ZNF385B: variants seen among roughly 807,000 people sequenced by gnomAD.
ZNF385B encodes the protein zinc finger protein 385B, also known as zinc finger protein 533.
In ZNF385B, 23 loss-of-function variants were observed where a neutral mutation model predicts 39.2. That is an observed-to-expected ratio of 0.59 (90% CI 0.42 to 0.83). The LOEUF is 0.83. ZNF385B is among the 40% of genes least tolerant of loss of function. ZNF385B has a pLI of 0.00. For synonymous variants in ZNF385B, 205 were observed against 222.6 expected, an observed-to-expected ratio of 0.92 and a Z score of 0.70; for missense variants, 552 against 598.9, an observed-to-expected ratio of 0.92 and a Z score of 0.82.
intron 6 of ZNF385B, among the ~76,000 whole-genome samples, chr2:179,459,964 C>T (rs1320231908): frequency 2.0e-5 from 3 of 151,706 alleles, no homozygotes; most frequent in Non-Finnish European, 4.4e-5. Flanking sequence ...ATTAGCTGAG[C>T]ATGGTGGCAC....
chr2:179,796,961 T>C (rs1705701455), intron 1 of ZNF385B, among the ~76,000 whole-genome samples: 1 of 152,154 alleles, frequency 6.6e-6, no homozygotes, highest in Non-Finnish European at 1.5e-5. Context: ...TTAAGCAAGA[T>C]AATACATGTA....
At chr2:179,745,750 C>T in intron 3 of ZNF385B, 1 of 1,541,108 alleles carries the variant, frequency 6.5e-7, no homozygotes, top group Non-Finnish European at 8.8e-7. Context: ...TGGCAGGGCT[C>T]TCACCAGCTT....
intron 3 of ZNF385B, among the ~76,000 whole-genome samples, chr2:179,675,251 G>C (rs1271072782): frequency 1.3e-5 from 2 of 152,186 alleles, no homozygotes; most frequent in Non-Finnish European, 2.9e-5. Flanking sequence ...TTAAGTAGAA[G>C]TGGATCATCA....
At chr2:179,742,953 A>T (rs1702165791) in intron 3 of ZNF385B, among the ~76,000 whole-genome samples, 2 of 152,034 alleles carry the variant, frequency 1.3e-5, no homozygotes, top group South Asian at 4.1e-4. Context: ...AAATCCTACT[A>T]CTTCTGAAGG....
Position 179,489,159 on chromosome 2 carries a change from T to G in ZNF385B, c.553-5725A>C, listed in dbSNP as rs192659056. ...AGGGCCGGGCTCCGAAGTGGCAGAA[T>G]GGAGATGAAGGTATTACGGGCAAAG... On this transcript the variant is annotated intron_variant, in intron 5 of 9. Transcript: ENST00000410066. Among the ~76,000 whole-genome samples the G allele has an allele frequency of 3.7e-4, 57 of 152,202 alleles. 2 individuals are homozygous for G. In the East Asian group the frequency reaches 9.3e-3, roughly 25 times the overall value.
chr2:179,852,698 G>A (rs1684277611), intron 1 of ZNF385B, among the ~76,000 whole-genome samples: 1 of 152,172 alleles, frequency 6.6e-6, no homozygotes, highest in Admixed American at 6.5e-5. Context: ...TGATTTCTCA[G>A]AGCAACTTAA....
rs566980174 is a variant in ZNF385B, at chr2:179,757,374, C to T, written c.298+12129G>A. ...TGTGTGAGGTGTCAGTCTGCCCCTACTGGGGGGTGCCTCCCAGTTAGGCTA... is the reference window on the plus strand; with the variant it reads ...TGTGTGAGGTGTCAGTCTGCCCCTATTGGGGGGTGCCTCCCAGTTAGGCTA... On this transcript the variant is annotated intron_variant, in intron 3 of 9. Transcript: ENST00000410066. 1.8e-4 allele frequency among the ~76,000 whole-genome samples: 28 copies of T among 152,348 alleles called. 1 individual carries two copies. In the South Asian group the frequency reaches 5.8e-3, roughly 32 times the overall value.
chr2:179,627,443 AG>A (rs1690761883), intron 3 of ZNF385B, among the ~76,000 whole-genome samples: 1 of 152,182 alleles, frequency 6.6e-6, no homozygotes, highest in East Asian at 1.9e-4. Flanking sequence ...TCATTTTAAG[AG>A]GGGGAAACTA....
chr2:179,533,951 T>C (rs965418696), intron 4 of ZNF385B, among the ~76,000 whole-genome samples: 4 of 152,146 alleles, frequency 2.6e-5, no homozygotes, highest in Non-Finnish European at 4.4e-5. Flanking sequence ...TGGAGGTAAA[T>C]AGGGTAAAAT....
At chr2:179,625,370 CCTTA>C (rs1254832990) in intron 3 of ZNF385B, among the ~76,000 whole-genome samples, 21 of 151,732 alleles carry the variant, frequency 1.4e-4, no homozygotes, top group Admixed American at 2.6e-4. Context: ...TTTCCTCTAG[CCTTA>C]CTTATTTTAT....
At chr2:179,563,538 T>C (rs1238480491) in intron 3 of ZNF385B, among the ~76,000 whole-genome samples, 1 of 152,172 alleles carries the variant, frequency 6.6e-6, no homozygotes, top group East Asian at 1.9e-4. Context: ...TATCTGCTTA[T>C]GTCAGATTTG....
intron 3 of ZNF385B, among the ~76,000 whole-genome samples, chr2:179,572,873 AAAC>A (rs1337118515): frequency 1.3e-5 from 2 of 152,202 alleles, no homozygotes; most frequent in African/African-American, 4.8e-5. Flanking sequence ...AAGGGCAGAC[AAAC>A]AACAGCCATG....
chr2:179,858,205 G>T (rs985303792), intron 1 of ZNF385B, among the ~76,000 whole-genome samples: 18 of 152,192 alleles, frequency 1.2e-4, no homozygotes, highest in African/African-American at 4.3e-4. Flanking sequence ...GATGAAGTCT[G>T]TGGGACTTTG....
At chr2:179,491,869 T>C (rs995462898) in intron 5 of ZNF385B, among the ~76,000 whole-genome samples, 1 of 151,968 alleles carries the variant, frequency 6.6e-6, no homozygotes, top group Non-Finnish European at 1.5e-5. Flanking sequence ...TGGCTATTTT[T>C]AAAAAATTTT....
At chr2:179,704,507 T>C (rs1205579631) in intron 3 of ZNF385B, among the ~76,000 whole-genome samples, 1 of 152,152 alleles carries the variant, frequency 6.6e-6, no homozygotes, top group Non-Finnish European at 1.5e-5. Context: ...AGGAAACACC[T>C]CTGGGAGATT....
At chr2:179,444,823 C>T (rs1239678784) in intron 9 of ZNF385B, 53 bp downstream of exon 9, 2 of 1,510,204 alleles carry the variant, frequency 1.3e-6, no homozygotes, top group Non-Finnish European at 1.8e-6. Context: ...CAATGGCTGC[C>T]CAACCCAGCA....
rs1466344208 is a variant in ZNF385B, at chr2:179,814,197, C to T, written c.-154-43525G>A. 3.4e-5 allele frequency: 6 copies of T among 174,470 alleles called. No homozygotes were observed. The South Asian group carries it at 3.5e-4, about 10-fold the overall frequency. The allele number at this position is 174,470 out of a possible 1,614,324, so 10.8% of individuals were successfully genotyped here. The stretch of plus-strand genomic sequence containing the variant: ...AGTGAGGGGCCGGCTGTGCTTCTCA[C>T]GCAGGGCCCTCATTGGCACCTGGCC... On this transcript the variant is annotated intron_variant, in intron 1 of 9. Transcript: ENST00000410066.
intron 3 of ZNF385B, among the ~76,000 whole-genome samples, chr2:179,713,902 A>G (rs1700160344): frequency 6.6e-6 from 1 of 152,184 alleles, no homozygotes; most frequent in Non-Finnish European, 1.5e-5. Flanking sequence ...TTTTTGCCCT[A>G]TATAAGGTTA....
At chr2:179,631,867 C>CA (rs35389771) in intron 3 of ZNF385B, among the ~76,000 whole-genome samples, 13,437 of 151,248 alleles carry the variant, frequency 0.089, 672 homozygotes, top group Middle Eastern at 0.2. Context: ...CAAAAACAAA[C>CA]AAAAAAAACA....
Sources: gnomAD v4.1 joint callset for allele counts (sites outside exome capture counted in the v4.1 genomes callset) on GRCh38, gnomAD v4.1.1 for gene constraint, MANE v1.5 for transcripts, NCBI Gene and HGNC (gene_info 2026-07-23, HGNC 2026-07-21) for gene names.